IQGAP2: variants seen among roughly 807,000 people sequenced by gnomAD.
IQGAP2 encodes IQ motif containing GTPase activating protein 2, also known as ras GTPase-activating-like protein IQGAP2.
IQGAP2 carries 173 observed loss-of-function variants against 201.3 expected under a neutral mutation model. That is an observed-to-expected ratio of 0.86 (90% CI 0.76 to 0.98). The LOEUF (loss-of-function observed/expected upper bound fraction) is 0.98, where lower values mean the gene tolerates loss of function less well. IQGAP2 is among the 50% of genes least tolerant of loss of function. The pLI, the probability that IQGAP2 is intolerant of heterozygous loss-of-function variation, is 0.00. For synonymous variants in IQGAP2, 675 were observed against 673.9 expected, an observed-to-expected ratio of 1.00 and a Z score of -0.03; for missense variants, 1,687 against 1,864.8, an observed-to-expected ratio of 0.90 and a Z score of 1.76.
chr5:76,413,981 G>T (rs1297669017), intron 1 of IQGAP2, among the ~76,000 whole-genome samples: 1 of 152,154 alleles, frequency 6.6e-6, no homozygotes, highest in South Asian at 2.1e-4. Flanking sequence ...AGGCCTCACC[G>T]CCTCTACAAA....
chr5:76,694,617 T>A (rs140892322), intron 31 of IQGAP2, among the ~76,000 whole-genome samples: 3 of 152,354 alleles, frequency 2.0e-5, no homozygotes, highest in Non-Finnish European at 4.4e-5. Flanking sequence ...TACATCTGTA[T>A]CTGGTGCACA....
intron 17 of IQGAP2, among the ~76,000 whole-genome samples, chr5:76,646,388 G>A (rs1312754624): frequency 6.6e-6 from 1 of 152,130 alleles, no homozygotes; most frequent in Non-Finnish European, 1.5e-5. Flanking sequence ...CATTTAATGT[G>A]TGAACACATA....
At chr5:76,412,051 TATTC>T (rs1357417205) in intron 1 of IQGAP2, among the ~76,000 whole-genome samples, 1 of 152,210 alleles carries the variant, frequency 6.6e-6, no homozygotes, top group East Asian at 1.9e-4. Context: ...CTTACAGTGT[TATTC>T]ATTTATTCGT....
chr5:76,637,106 A>G lies in IQGAP2; in HGVS notation c.1853A>G (p.Lys618Arg). 1 of 1,612,032 alleles carries G rather than the reference A, an allele frequency of 6.2e-7. No homozygotes were observed. The highest frequency in any genetic ancestry group is 8.5e-7 in the Non-Finnish European group (1 of 1,178,434). Reference sequence around the variant, plus strand: ...GACTACTATTACAACACTGATTCAAAAGAGAGTTCCTGGGTCACACCTGAA... The same window carrying G: ...GACTACTATTACAACACTGATTCAAGAGAGAGTTCCTGGGTCACACCTGAA... ...KYDYYYNTDS[K>R]ESSWVTPESC... The change falls in exon 16 of 36, where the codon AAA becomes AGA. Residue 618 changes from lysine (K) to arginine (R), a missense_variant. By Grantham distance (26) the Lys-to-Arg change is conservative. Transcript: ENST00000274364.
At position 76,698,138 on chromosome 5, in the gene IQGAP2, T is replaced by G; in HGVS notation, c.4358T>G (p.Leu1453Ter). The G allele has an allele frequency of 6.3e-7, 1 of 1,580,152 alleles. No individual in the cohort carries two copies. The highest frequency in any genetic ancestry group is 8.6e-7 in the Non-Finnish European group (1 of 1,156,246). Residue 1453 changes from leucine to a stop codon, truncating the protein, a stop_gained, in exon 33 of 36, where the codon TTA becomes TGA. Coordinates refer to ENST00000274364, the MANE Select transcript of IQGAP2 (RefSeq NM_006633.5). LOFTEE classifies it high-confidence loss of function. Reference protein sequence around the residue: ...DTYIKTCLDNLKRKNTRRSIK... With the variant: ...DTYIKTCLDN ...TACATAAAGACTTGTTTAGACAACT[T>G]AAAAAGAAAGTAAGTTAAAATCATG...
intron 5 of IQGAP2, among the ~76,000 whole-genome samples, chr5:76,580,548 T>G (rs1041056834): frequency 6.6e-6 from 1 of 152,258 alleles, no homozygotes; most frequent in African/African-American, 2.4e-5. Flanking sequence ...AAATACACAT[T>G]CGCTATTTAT....
At chr5:76,449,332 C>T (rs1461149133) in intron 1 of IQGAP2, among the ~76,000 whole-genome samples, 1 of 152,194 alleles carries the variant, frequency 6.6e-6, no homozygotes, top group East Asian at 1.9e-4. Context: ...AACCTCTTTT[C>T]CCTCCCTCGG....
intron 2 of IQGAP2, among the ~76,000 whole-genome samples, chr5:76,543,956 G>T (rs905119143): frequency 6.6e-6 from 1 of 152,140 alleles, no homozygotes; most frequent in African/African-American, 2.4e-5. Context: ...AGGTGAAATG[G>T]TACTTAACTA....
chr5:76,707,335 G>A lies in IQGAP2; in HGVS notation c.*22G>A, dbSNP rs1456535909. On this transcript the variant is annotated 3_prime_UTR_variant, in exon 36 of 36. Transcript: ENST00000274364. ...GTGAAGTGCCTACAGAAATTTCTTG[G>A]ATTCTGTATCATCTGGATTAGGAAA... The A allele has an allele frequency of 9.7e-7, 1 of 1,026,060 alleles. No individual in the cohort carries two copies. The highest frequency in any genetic ancestry group is 1.6e-5 in the African/African-American group (1 of 63,116). The allele number at this position is 1,026,060 out of a possible 1,614,324, so 63.6% of individuals were successfully genotyped here. A position where few individuals can be genotyped will look rare whatever the true frequency, so the allele number is the denominator to read the frequency against.
At chr5:76,685,698 C>T (rs1165705365) in intron 30 of IQGAP2, among the ~76,000 whole-genome samples, 3 of 55,034 alleles carry the variant, frequency 5.5e-5, no homozygotes, top group Admixed American at 3.6e-4. Context: ...CTCCCCCGTC[C>T]CCCCCAGTGT....
chr5:76,426,601 C>T (rs1269330633), intron 1 of IQGAP2, among the ~76,000 whole-genome samples: 2 of 152,192 alleles, frequency 1.3e-5, no homozygotes, highest in African/African-American at 4.8e-5. Flanking sequence ...CTTTGCATTT[C>T]TTATGAGTCC....
chr5:76,429,860 GACACACACACAC>G (rs56031811), intron 1 of IQGAP2, among the ~76,000 whole-genome samples: 2 of 144,526 alleles, frequency 1.4e-5, no homozygotes, highest in African/African-American at 2.6e-5. Flanking sequence ...AGGAGACACA[GACACACACACAC>G]ACACACACAC....
chr5:76,535,969 TAGG>T (rs146197484), intron 2 of IQGAP2, among the ~76,000 whole-genome samples: 6,176 of 152,120 alleles, frequency 0.041, 408 homozygotes, highest in African/African-American at 0.14. Context: ...AAACATAAAC[TAGG>T]AGAAGGAAAT....
Position 76,702,513 on chromosome 5 carries a change from A to G in IQGAP2, c.4537A>G (p.Thr1513Ala). ...GAATGTTACATTTGATATCATAGCTACTGAAGATGTAGGCATTTTCGATGT... is the reference window on the plus strand; with the variant it reads ...GAATGTTACATTTGATATCATAGCTGCTGAAGATGTAGGCATTTTCGATGT... ...FKNVTFDIIA[T>A]EDVGIFDVRS... The change falls in exon 35 of 36, where the codon ACT becomes GCT. Residue 1513 changes from threonine to alanine, a missense_variant. Coordinates refer to ENST00000274364, the MANE Select transcript of IQGAP2 (RefSeq NM_006633.5). 1 of 1,581,046 alleles carries G rather than the reference A, an allele frequency of 6.3e-7. No individual in the cohort carries two copies. The highest frequency in any genetic ancestry group is 8.7e-7 in the Non-Finnish European group (1 of 1,149,846).
intron 22 of IQGAP2, among the ~76,000 whole-genome samples, chr5:76,667,879 T>C (rs1384852153): frequency 4.4e-5 from 2 of 45,050 alleles, no homozygotes; most frequent in African/African-American, 2.0e-4. Flanking sequence ...TCCACTTTCT[T>C]TTTTTTTTTT....
intron 24 of IQGAP2, among the ~76,000 whole-genome samples, chr5:76,672,965 T>A (rs1394721276): frequency 6.6e-6 from 1 of 151,288 alleles, no homozygotes; most frequent in Non-Finnish European, 1.5e-5. Context: ...AAATGACGAG[T>A]TAATGGGTGC....
chr5:76,609,893 A>AT (rs944996178), intron 12 of IQGAP2, among the ~76,000 whole-genome samples: 2 of 149,728 alleles, frequency 1.3e-5, no homozygotes, highest in African/African-American at 4.9e-5. Context: ...ATCTAAATGC[A>AT]TTTTTTTATG....
At chr5:76,481,688 G>A (rs1480297179) in intron 2 of IQGAP2, among the ~76,000 whole-genome samples, 1 of 152,122 alleles carries the variant, frequency 6.6e-6, no homozygotes, top group Non-Finnish European at 1.5e-5. Flanking sequence ...CCGATCCAAT[G>A]TACAAAAATA....
intron 2 of IQGAP2, among the ~76,000 whole-genome samples, chr5:76,492,817 G>A (rs1007632368): frequency 6.6e-6 from 1 of 152,184 alleles, no homozygotes; most frequent in Non-Finnish European, 1.5e-5. Context: ...GCCAGGCCAT[G>A]GAGAGTCTGT....
Sources: gnomAD v4.1 joint callset for allele counts (sites outside exome capture counted in the v4.1 genomes callset) on GRCh38, gnomAD v4.1.1 for gene constraint, MANE v1.5 for transcripts, NCBI Gene and HGNC (gene_info 2026-07-23, HGNC 2026-07-21) for gene names.